The following NPAS2 variants were observed in gnomAD, a reference collection of about 807,000 sequenced individuals.
NPAS2 encodes the protein neuronal PAS domain protein 2.
Under a neutral mutation model 107.5 loss-of-function variants are expected in NPAS2, and 23 were observed. The ratio of observed to expected loss-of-function variants is 0.21; its 90% CI spans 0.15 to 0.30. The LOEUF (loss-of-function observed/expected upper bound fraction) is 0.30. Among genes scored for constraint, NPAS2 ranks in the 10% least tolerant of loss-of-function variants. The probability of loss-of-function intolerance (pLI) is 1.00; values close to 1 mark genes in which losing one functional copy is unlikely to be tolerated. For missense variants in NPAS2, 756 were observed against 1,043.3 expected (o/e 0.72, Z 3.79); for synonymous variants, 403 against 417.5 (o/e 0.97, Z 0.42).
chr2:100,988,761 G>T, intron 17 of NPAS2: 1 of 136,484 alleles, frequency 7.3e-6, no homozygotes, highest in Non-Finnish European at 1.3e-5. Flanking sequence ...GGCCCCCACT[G>T]CTCCTCCAGG....
In NPAS2 at chr2:100,968,215, C is replaced by A; in HGVS notation, c.908-66C>A. 1 of 1,516,596 alleles carries A rather than the reference C, an allele frequency of 6.6e-7. No individual in the cohort carries two copies. The highest frequency in any genetic ancestry group is 9.1e-7 in the Non-Finnish European group (1 of 1,098,414). The allele number at this position is 1,516,596 out of a possible 1,614,324, so 93.9% of individuals were successfully genotyped here. The stretch of plus-strand genomic sequence containing the variant: ...TTTTGAAAGCTTATCTTTACAATAA[C>A]TCTTGGGGAAAAGATCATTTTCATA... On this transcript the variant is annotated intron_variant, in intron 10 of 20. Coordinates refer to ENST00000335681, the MANE Select transcript of NPAS2 (RefSeq NM_002518.4). The surrounding 1 kb of genome is among the most constrained non-coding windows in gnomAD (Gnocchi z 5.3).
intron 2 of NPAS2, among the ~76,000 whole-genome samples, chr2:100,915,971 G>A (rs1229752045): frequency 6.6e-6 from 1 of 151,418 alleles, no homozygotes; most frequent in Non-Finnish European, 1.5e-5. Context: ...AGGTAGAGGG[G>A]GCTATATAGA....
chr2:100,887,098 A>G (rs1170753575), intron 1 of NPAS2, among the ~76,000 whole-genome samples: 1 of 152,172 alleles, frequency 6.6e-6, no homozygotes, highest in Non-Finnish European at 1.5e-5. Flanking sequence ...CTGCAAGGCC[A>G]CTGTCCTCTT....
At chr2:100,954,373 A>G (rs1573711056) in intron 7 of NPAS2, among the ~76,000 whole-genome samples, 2 of 152,220 alleles carry the variant, frequency 1.3e-5, no homozygotes, top group East Asian at 3.9e-4. Context: ...AACAGAAACC[A>G]GAAAATGTGG....
chr2:100,944,057 A>G (rs1192274463), intron 5 of NPAS2, among the ~76,000 whole-genome samples: 2 of 152,186 alleles, frequency 1.3e-5, no homozygotes, highest in Admixed American at 1.3e-4. Flanking sequence ...GCCATTCTCT[A>G]CACTACCTTC....
chr2:100,885,865 T>G (rs2104663147), intron 1 of NPAS2, among the ~76,000 whole-genome samples: 1 of 152,244 alleles, frequency 6.6e-6, no homozygotes, highest in East Asian at 1.9e-4. Context: ...CTAGCCATGT[T>G]GGCCAGGCTG....
chr2:100,963,344 G>A (rs1304708605), intron 7 of NPAS2, among the ~76,000 whole-genome samples: 2 of 152,252 alleles, frequency 1.3e-5, no homozygotes, highest in Non-Finnish European at 2.9e-5. Flanking sequence ...ACTGGCTGGA[G>A]TATTCAAACC....
chr2:100,821,323 G>A (rs1676056097), intron 1 of NPAS2: 3 of 812,460 alleles, frequency 3.7e-6, no homozygotes, highest in Non-Finnish European at 5.1e-6. Context: ...TCCCGAGCTT[G>A]TGTCCGGGAG....
intron 20 of NPAS2, 161 bp from the exon 21 acceptor site, chr2:100,995,239 A>C: frequency 1.1e-5 from 6 of 532,090 alleles, no homozygotes; most frequent in East Asian, 5.9e-5. Context: ...TCCCCACCAC[A>C]CCCCCAGGTC....
chr2:100,878,615 A>C (rs1680135195), intron 1 of NPAS2: 1 of 985,432 alleles, frequency 1.0e-6, no homozygotes, highest in Non-Finnish European at 1.2e-6. Flanking sequence ...ACTTTCAGCT[A>C]TCTGCTAACA....
At chr2:100,985,861 G>T (rs189660957) in intron 16 of NPAS2, 16 of 152,232 alleles carry the variant, frequency 1.1e-4, no homozygotes, top group Admixed American at 9.8e-4. Context: ...ATGGTAGGGT[G>T]GGAATTTGAG....
At chr2:100,974,628 T>C (rs1208483638) in intron 12 of NPAS2, among the ~76,000 whole-genome samples, 175 bp from the exon 13 acceptor site, 3 of 152,212 alleles carry the variant, frequency 2.0e-5, no homozygotes, top group Non-Finnish European at 2.9e-5. Context: ...CTCTGAGGCT[T>C]TAGGTTACGT....
chr2:100,944,498 A>G (rs1674770012), intron 5 of NPAS2, among the ~76,000 whole-genome samples: 1 of 152,108 alleles, frequency 6.6e-6, no homozygotes, highest in Non-Finnish European at 1.5e-5. Flanking sequence ...ACGGCTGTGG[A>G]TGGCACATTC....
At chr2:100,979,826 A>G (rs1178350731) in intron 15 of NPAS2, among the ~76,000 whole-genome samples, 3 of 152,122 alleles carry the variant, frequency 2.0e-5, no homozygotes, top group Non-Finnish European at 4.4e-5. Flanking sequence ...CACCACGCCC[A>G]GCCAATAACT....
intron 1 of NPAS2, among the ~76,000 whole-genome samples, chr2:100,851,924 AGAAAG>A (rs1296381807): frequency 1.3e-5 from 2 of 152,146 alleles, no homozygotes; most frequent in Non-Finnish European, 2.9e-5. Flanking sequence ...GTGAAGGAAA[AGAAAG>A]GAAAGCAATT....
chr2:100,937,327 A>G (rs1325285194), intron 4 of NPAS2, among the ~76,000 whole-genome samples: 1 of 152,224 alleles, frequency 6.6e-6, no homozygotes, highest in African/African-American at 2.4e-5. Flanking sequence ...TAGGTCTGAT[A>G]CCTTTATCAG....
At chr2:100,873,981 G>GT (rs1449557438) in intron 1 of NPAS2, among the ~76,000 whole-genome samples, 2 of 148,216 alleles carry the variant, frequency 1.3e-5, no homozygotes, top group Non-Finnish European at 3.0e-5. Flanking sequence ...TCTTTTTTTT[G>GT]TTTTTTGTTT....
intron 4 of NPAS2, 102 bp downstream of exon 4, chr2:100,933,103 C>T (rs1233400346): frequency 7.2e-6 from 6 of 828,620 alleles, no homozygotes; most frequent in Middle Eastern, 2.4e-4. Flanking sequence ...GTTCTTGATC[C>T]TGGGAAGACT....
At chr2:100,954,327 C>T (rs1192825564) in intron 7 of NPAS2, among the ~76,000 whole-genome samples, 1 of 152,124 alleles carries the variant, frequency 6.6e-6, no homozygotes, top group East Asian at 1.9e-4. Flanking sequence ...GCAGTCCCTC[C>T]AGCACCAGCA....
Sources: allele counts gnomAD v4.1 joint callset (sites outside exome capture counted in the v4.1 genomes callset), GRCh38; gene constraint gnomAD v4.1.1; non-coding constraint Gnocchi (gnomAD v3.1); transcripts MANE v1.5; gene names NCBI Gene and HGNC (gene_info 2026-07-23, HGNC 2026-07-21).